Variants in HUS1 observed in about 807,000 individuals in gnomAD.
HUS1 encodes HUS1 checkpoint clamp component, also known as checkpoint protein HUS1.
A neutral mutation model predicts 32.6 loss-of-function variants in HUS1; 31 were observed. That is an observed-to-expected ratio of 0.95 (90% CI 0.72 to 1.28). The LOEUF (loss-of-function observed/expected upper bound fraction) is 1.28, where lower values mean the gene tolerates loss of function less well. HUS1 is among the 50% of genes most tolerant of loss of function. The pLI is 0.00. For missense variants in HUS1, 340 were observed against 337.7 expected (o/e 1.01, Z -0.05); for synonymous variants, 123 against 116.6 (o/e 1.06, Z -0.36).
chr7:47,965,252 C>T lies in HUS1; in HGVS notation c.*104G>A, dbSNP rs1018400135. The T allele has an allele frequency of 1.9e-5, 14 of 738,896 alleles. No homozygotes were observed. The highest frequency in any genetic ancestry group is 2.9e-5 in the Non-Finnish European group (12 of 407,860). 45.8% of individuals were successfully genotyped at this position (738,896 alleles called of 1,614,324 possible). On this transcript the variant is annotated 3_prime_UTR_variant, in exon 8 of 8. Transcript: ENST00000258774. ...AGAGGGACAAATAAGTACAGTGTGT[C>T]GATGTGCGGTGCTGTGAGGGCACAG...
intron 4 of HUS1, chr7:47,976,312 A>G (rs1168687747): frequency 2.2e-6 from 1 of 457,686 alleles, no homozygotes; most frequent in South Asian, 1.5e-5. Flanking sequence ...AGGGTTAACC[A>G]TCGGCATGAC....
chr7:47,964,731 T>C lies in HUS1; in HGVS notation c.*625A>G, dbSNP rs966876547. ...GCAGAAGGAGCTCCCAGCTAAGAGC[T>C]GTGTTGGCTGGGCCAGCTCTCTAGG... On this transcript the variant is annotated 3_prime_UTR_variant, in exon 8 of 8. Transcript: ENST00000258774. The C allele has an allele frequency of 2.6e-5, 4 of 152,212 alleles. No individual in the cohort carries two copies. The highest frequency in any genetic ancestry group is 9.7e-5 in the African/African-American group (4 of 41,444). The allele number at this position is 152,212 out of a possible 1,614,324, so 9.4% of individuals were successfully genotyped here. A position where few individuals can be genotyped will look rare whatever the true frequency, so the allele number is the denominator to read the frequency against.
In HUS1 at chr7:47,965,434, A is replaced by G; in HGVS notation, c.765T>C (p.Ile255=). The G allele has an allele frequency of 6.2e-7, 1 of 1,610,570 alleles. No individual in the cohort carries two copies. Among genetic ancestry groups the G allele is most frequent in the Non-Finnish European group, 8.5e-7 (1 of 1,176,798 alleles). The change falls in exon 8 of 8, where the codon ATT becomes ATC. Residue 255 remains isoleucine, a synonymous_variant. Transcript: ENST00000258774. The part of the protein sequence containing the change: ...QVNPTKALCN[I]VNNKMVHFDL... ...CAAAATGCACCATCTTGTTATTCAC[A>G]ATATCTGGGAAGAGAAAAGCCATGA... is the stretch of plus-strand genomic sequence containing the variant.
At chr7:47,974,301 G>A (rs776778244) in intron 5 of HUS1, among the ~76,000 whole-genome samples, 9 of 152,126 alleles carry the variant, frequency 5.9e-5, no homozygotes, top group Non-Finnish European at 8.8e-5. Flanking sequence ...GGTGGTTCAC[G>A]AGACCTTCAG....
intron 5 of HUS1, 54 bp from the exon 6 acceptor site, chr7:47,969,372 A>C (rs1788547918): frequency 2.1e-6 from 2 of 967,368 alleles, no homozygotes; most frequent in Non-Finnish European, 3.2e-6. Flanking sequence ...AAGGAAAAAA[A>C]CTCCATGGGC....
intron 5 of HUS1, among the ~76,000 whole-genome samples, chr7:47,970,726 A>G (rs906396245): frequency 6.6e-6 from 1 of 152,240 alleles, no homozygotes; most frequent in Non-Finnish European, 1.5e-5. Context: ...ATTGAAAGAA[A>G]AATGGGAAAA....
At chr7:47,977,396 T>A (rs1393292194) in intron 3 of HUS1, among the ~76,000 whole-genome samples, 3 of 152,240 alleles carry the variant, frequency 2.0e-5, no homozygotes, top group African/African-American at 4.8e-5. Context: ...TTTCTAACAG[T>A]TAAAAGGCAA....
intron 4 of HUS1, 75 bp from the exon 5 acceptor site, chr7:47,975,762 C>T (rs2128766312): frequency 2.5e-6 from 2 of 795,506 alleles, no homozygotes; most frequent in Non-Finnish European, 4.1e-6. Flanking sequence ...GGCCCCATAA[C>T]TAACTCTAGA....
chr7:47,976,331 C>T (rs1407307528), intron 4 of HUS1: 1 of 458,460 alleles, frequency 2.2e-6, no homozygotes, highest in South Asian at 1.5e-5. Context: ...ACCGTTACCC[C>T]ATGTTAGCCC....
rs1392699979 is a variant in HUS1, at chr7:47,966,131, G to A, written c.761-693C>T. On this transcript the variant is annotated intron_variant, in intron 7 of 7. Transcript: ENST00000258774. ...TTGGGGAAAGGACCAGAAAGGACAAGCAGGAGACAAACATTCTTTAGGAGA... is the reference window on the plus strand; with the variant it reads ...TTGGGGAAAGGACCAGAAAGGACAAACAGGAGACAAACATTCTTTAGGAGA... Among the ~76,000 whole-genome samples the A allele has an allele frequency of 5.9e-5, 3 of 50,974 alleles. No homozygotes were observed. The East Asian group carries it at 0.013, about 222-fold the overall frequency. The allele number at this position is 50,974 out of a possible 152,430, so 33.4% of individuals were successfully genotyped here.
intron 5 of HUS1, among the ~76,000 whole-genome samples, chr7:47,973,444 A>C (rs1469510670): frequency 6.6e-6 from 1 of 152,164 alleles, no homozygotes; most frequent in South Asian, 2.1e-4. Flanking sequence ...GTCTTAGAAC[A>C]TGATGTCAAT....
intron 5 of HUS1, among the ~76,000 whole-genome samples, chr7:47,972,760 AG>A (rs1296560514): frequency 1.3e-5 from 2 of 152,160 alleles, no homozygotes; most frequent in Non-Finnish European, 2.9e-5. Context: ...AGCTGAACCC[AG>A]GTATGTGGCT....
At chr7:47,967,678 T>A (rs1479256588) in intron 7 of HUS1, 128 bp downstream of exon 7, 1 of 903,048 alleles carries the variant, frequency 1.1e-6, no homozygotes, top group African/African-American at 1.7e-5. Context: ...GAAGTTAAAG[T>A]CCACATAATT....
chr7:47,976,695 G>T, intron 4 of HUS1, 35 bp downstream of exon 4: 1 of 1,101,680 alleles, frequency 9.1e-7, no homozygotes, highest in African/African-American at 1.5e-5. Flanking sequence ...GCCATTTAAT[G>T]TGGGGTGTAC....
At position 47,978,582 on chromosome 7, in the gene HUS1, G is replaced by A; in HGVS notation, c.192C>T (p.Phe64=). 6.2e-7 allele frequency: 1 copy of A among 1,614,036 alleles called. No individual in the cohort carries two copies. Among genetic ancestry groups the A allele is most frequent in the African/African-American group, 1.3e-5 (1 of 75,060 alleles). ...MWCELEQENF[F]NEFQMEGVSA... is the part of the protein sequence containing the mutation. ...AGACACCCTCCATTTGAAATTCGTT[G>A]AAGAAGTTCTCCTAAGGGAAAAAAA... Residue 64 remains phenylalanine (F), a synonymous_variant, in exon 3 of 8, where the codon TTC becomes TTT. Coordinates refer to ENST00000258774, the MANE Select transcript of HUS1 (RefSeq NM_004507.4).
intron 5 of HUS1, chr7:47,971,307 T>G (rs1788595269): frequency 3.0e-6 from 1 of 332,834 alleles, no homozygotes; most frequent in Non-Finnish European, 6.0e-6. Context: ...GGGGCTGCTG[T>G]TGGGTTACCA....
chr7:47,973,735 ATTTC>A (rs978563321), intron 5 of HUS1, among the ~76,000 whole-genome samples: 1 of 152,132 alleles, frequency 6.6e-6, no homozygotes, highest in Non-Finnish European at 1.5e-5. Context: ...TCTCCACAAT[ATTTC>A]TATGTTTTTT....
At chr7:47,976,682 C>A in intron 4 of HUS1, 48 bp downstream of exon 4, 1 of 1,005,588 alleles carries the variant, frequency 9.9e-7, no homozygotes, top group South Asian at 1.3e-5. Context: ...GAATTCAAGT[C>A]ATGCCATTTA....
In HUS1 at chr7:47,976,742, G is replaced by A. The variant is rs2307249; in HGVS notation, c.453C>T (p.Val151=). 1.4e-5 allele frequency: 22 copies of A among 1,604,394 alleles called. No homozygotes were observed. The highest frequency in any genetic ancestry group is 1.6e-4 in the Middle Eastern group (1 of 6,078). Residue 151 remains valine, a synonymous_variant, in exon 4 of 8, where the codon GTC becomes GTT. Coordinates refer to ENST00000258774, the MANE Select transcript of HUS1 (RefSeq NM_004507.4). ...AGGCATCACCTACATCAGGATCTGG[G>A]ACCACCGGTTCTTGTAAGTCCTTCC... ...KLWKDLQEPV[V]PDPDVSIYLP... is the part of the protein sequence containing the mutation.
Sources: gnomAD v4.1 joint callset for allele counts (sites outside exome capture counted in the v4.1 genomes callset) on GRCh38, gnomAD v4.1.1 for gene constraint, MANE v1.5 for transcripts, NCBI Gene and HGNC (gene_info 2026-07-23, HGNC 2026-07-21) for gene names.